The following MLLT10 variants were observed in gnomAD, a reference collection of about 807,000 sequenced individuals.
MLLT10 encodes the protein protein AF-10.
Under a neutral mutation model 129.1 loss-of-function variants are expected in MLLT10, and 30 were observed. That is an observed-to-expected ratio of 0.23 (90% CI 0.17 to 0.32). MLLT10 has a LOEUF of 0.32. Ranked by LOEUF, MLLT10 falls within the 10% of genes least tolerant of loss-of-function variation. The pLI is 1.00. For synonymous variants in MLLT10, 490 were observed against 446.4 expected, an observed-to-expected ratio of 1.10 and a Z score of -1.23; for missense variants, 1,119 against 1,268.3, an observed-to-expected ratio of 0.88 and a Z score of 1.79.
intron 13 of MLLT10, among the ~76,000 whole-genome samples, chr10:21,704,367 A>C (rs201906580): frequency 0.14 from 18,713 of 137,128 alleles, 1,422 homozygotes; most frequent in East Asian, 0.32. Flanking sequence ...CTATATATAT[A>C]TATATATATA....
chr10:21,627,842 T>C (rs1030889311), intron 8 of MLLT10, among the ~76,000 whole-genome samples: 1 of 152,228 alleles, frequency 6.6e-6, no homozygotes, highest in Non-Finnish European at 1.5e-5. Context: ...CTTTTTACTA[T>C]AAACAGTAAG....
intron 13 of MLLT10, among the ~76,000 whole-genome samples, chr10:21,685,600 C>T (rs2053222334): frequency 6.6e-6 from 1 of 152,188 alleles, no homozygotes; most frequent in Non-Finnish European, 1.5e-5. Flanking sequence ...CCTCGGCCTC[C>T]TAAAGTGCTG....
chr10:21,614,782 G>T (rs1564511842), intron 6 of MLLT10, 49 bp from the exon 7 acceptor site: 2 of 1,433,194 alleles, frequency 1.4e-6, no homozygotes, highest in African/African-American at 1.4e-5. Flanking sequence ...ATATATACAG[G>T]TACTGTGATT....
chr10:21,709,648 T>A (rs1794190887), intron 13 of MLLT10, among the ~76,000 whole-genome samples: 1 of 152,262 alleles, frequency 6.6e-6, no homozygotes, highest in South Asian at 2.1e-4. Flanking sequence ...CTCTGCTATG[T>A]ATTATTTGGA....
At chr10:21,583,419 G>T (rs1052839244) in intron 3 of MLLT10, among the ~76,000 whole-genome samples, 5 of 152,102 alleles carry the variant, frequency 3.3e-5, no homozygotes, top group African/African-American at 1.2e-4. Flanking sequence ...TGCCAAAGAG[G>T]TAATAGGAAA....
At chr10:21,667,205 G>T (rs1471409738) in intron 9 of MLLT10, among the ~76,000 whole-genome samples, 1 of 151,946 alleles carries the variant, frequency 6.6e-6, no homozygotes, top group Non-Finnish European at 1.5e-5. Context: ...TTTTTGGAGT[G>T]TAAGACATCC....
At chr10:21,657,438 A>T (rs565879118) in intron 9 of MLLT10, among the ~76,000 whole-genome samples, 1 of 149,926 alleles carries the variant, frequency 6.7e-6, no homozygotes, top group East Asian at 2.0e-4. Flanking sequence ...CTTCGTTTTG[A>T]CCTGATAGAG....
rs541876924 is a variant in MLLT10 at position 21,609,485 on chromosome 10, A to T, written c.406-2863A>T. On this transcript the variant is annotated intron_variant, in intron 5 of 22. Coordinates refer to ENST00000307729, the MANE Select transcript of MLLT10 (RefSeq NM_001195626.3). ...GAGCTTTATTGATTGATGCATTTGT[A>T]TTTGGCTTAGGGAATGCTTTTAGGT... Among the ~76,000 whole-genome samples the T allele has an allele frequency of 1.8e-4, 27 of 152,186 alleles. 1 individual carries two copies. In the South Asian group the frequency reaches 4.1e-3, roughly 23 times the overall value.
chr10:21,691,022 A>G (rs2053796859), intron 13 of MLLT10, among the ~76,000 whole-genome samples: 1 of 152,202 alleles, frequency 6.6e-6, no homozygotes, highest in Non-Finnish European at 1.5e-5. Flanking sequence ...AAGAATGCCA[A>G]ATGTTGCTTA....
At chr10:21,697,099 C>CAAAAAAAAAA (rs1163740638) in intron 13 of MLLT10, among the ~76,000 whole-genome samples, 3 of 82,644 alleles carry the variant, frequency 3.6e-5, no homozygotes, top group Non-Finnish European at 6.5e-5. Flanking sequence ...CTGATTTAAG[C>CAAAAAAAAAA]AAAAAAAAAA....
chr10:21,586,374 A>C (rs1194327689), intron 4 of MLLT10, 26 bp downstream of exon 4: 1 of 1,517,028 alleles, frequency 6.6e-7, no homozygotes, highest in Non-Finnish European at 8.9e-7. Flanking sequence ...TCTTGAAAAA[A>C]ATTTTATTGA....
At chr10:21,714,257 A>G (rs1359595583) in intron 14 of MLLT10, among the ~76,000 whole-genome samples, 2 of 152,202 alleles carry the variant, frequency 1.3e-5, no homozygotes, top group African/African-American at 2.4e-5. Context: ...CCCACAAAAT[A>G]TGAGCAAGTT....
At chr10:21,598,274 C>T (rs2043198479) in intron 5 of MLLT10, among the ~76,000 whole-genome samples, 1 of 152,146 alleles carries the variant, frequency 6.6e-6, no homozygotes, top group African/African-American at 2.4e-5. Flanking sequence ...CTCAGGTTTG[C>T]CTGGTGGGAC....
chr10:21,741,267 TA>T (rs761004020), intron 22 of MLLT10, among the ~76,000 whole-genome samples: 151 of 77,974 alleles, frequency 1.9e-3, no homozygotes, highest in Non-Finnish European at 2.8e-3. Context: ...TCTTTGGTAG[TA>T]TTTTTTCCCC....
At chr10:21,625,601 G>C (rs2046353130) in intron 8 of MLLT10, 1 of 757,678 alleles carries the variant, frequency 1.3e-6, no homozygotes, top group African/African-American at 1.7e-5. Flanking sequence ...TTTGTCATCA[G>C]GTTGATCATA....
chr10:21,733,882 A>T lies in MLLT10; in HGVS notation c.2611A>T (p.Asn871Tyr). The change falls in exon 20 of 23, where the codon AAT becomes TAT. Residue 871 changes from asparagine (N) to tyrosine (Y), a missense_variant. Asn to Tyr is a moderately radical substitution (Grantham distance 143, BLOSUM62 -2). Around this residue, in one of 5 missense-constraint regions of MLLT10, gnomAD observed 1,004 missense variants for 1,008.7 expected, o/e 1.00. Coordinates refer to ENST00000307729, the MANE Select transcript of MLLT10 (RefSeq NM_001195626.3). ...AGGAGTGAGTGGAGTTCAGCAGGTC[A>T]ATGGCGTGACAGTGGGGGCACTAGC... Reference protein sequence around the residue: ...GSGVSGVQQVNGVTVGALASG... With the variant: ...GSGVSGVQQVYGVTVGALASG... 6.2e-7 allele frequency: 1 copy of T among 1,614,168 alleles called. No individual in the cohort carries two copies. Among genetic ancestry groups the T allele is most frequent in the Non-Finnish European group, 8.5e-7 (1 of 1,180,020 alleles).
intron 4 of MLLT10, among the ~76,000 whole-genome samples, chr10:21,593,926 T>TAAAAAAAAAAAAAAAA (rs61561146): frequency 2.2e-5 from 1 of 45,426 alleles, no homozygotes; most frequent in African/African-American, 1.1e-4. Flanking sequence ...GCTTTGTCTT[T>TAAAAAAAAAAAAAAAA]AAAAAAAAAA....
intron 13 of MLLT10, among the ~76,000 whole-genome samples, chr10:21,699,995 C>A (rs568493647): frequency 3.9e-4 from 59 of 152,120 alleles, no homozygotes; most frequent in Admixed American, 9.2e-4. Context: ...CTAATTCTTC[C>A]AATTCATGAG....
intron 13 of MLLT10, among the ~76,000 whole-genome samples, chr10:21,689,633 A>C (rs1179666528): frequency 6.9e-6 from 1 of 144,020 alleles, no homozygotes; most frequent in Non-Finnish European, 1.5e-5. Flanking sequence ...ACACACACAC[A>C]CACACATTTA....
Sources: allele counts gnomAD v4.1 joint callset (sites outside exome capture counted in the v4.1 genomes callset), GRCh38; gene constraint gnomAD v4.1.1; regional missense constraint gnomAD v4.1.1; transcripts MANE v1.5; gene names NCBI Gene and HGNC (gene_info 2026-07-23, HGNC 2026-07-21).